Variants in ARHGAP24 observed in about 807,000 individuals in gnomAD.
ARHGAP24 encodes the protein rho GTPase-activating protein 24.
In ARHGAP24, 50 loss-of-function variants were observed where a neutral mutation model predicts 76.4. The ratio of observed to expected loss-of-function variants is 0.65; its 90% CI spans 0.52 to 0.83. ARHGAP24 has a LOEUF of 0.83. Among genes scored for constraint, ARHGAP24 ranks in the 40% least tolerant of loss-of-function variants. ARHGAP24 has a pLI of 0.00. For missense variants in ARHGAP24, 930 were observed against 914.2 expected, an observed-to-expected ratio of 1.02 and a Z score of -0.22; for synonymous variants, 345 against 323.3, an observed-to-expected ratio of 1.07 and a Z score of -0.72.
chr4:85,548,016 ATTC>A (rs1244187488), intron 1 of ARHGAP24, among the ~76,000 whole-genome samples: 1 of 152,086 alleles, frequency 6.6e-6, no homozygotes, highest in Non-Finnish European at 1.5e-5. Flanking sequence ...GGATTCATGT[ATTC>A]TTGTTTTATT....
chr4:85,933,156 G>A (rs968331006), intron 4 of ARHGAP24, among the ~76,000 whole-genome samples: 13 of 152,064 alleles, frequency 8.5e-5, no homozygotes, highest in Middle Eastern at 3.2e-3. Flanking sequence ...AAGCCTGTCC[G>A]AGAACATCAG....
chr4:85,678,361 C>G (rs1449331996), intron 2 of ARHGAP24, among the ~76,000 whole-genome samples: 1 of 152,154 alleles, frequency 6.6e-6, no homozygotes, highest in Admixed American at 6.6e-5. Context: ...CAAAGCAAGA[C>G]TCTGTCTCTA....
chr4:85,643,234 GTTTTTTTTTTTTTT>G lies in ARHGAP24; in HGVS notation c.180+72535_180+72548del, dbSNP rs70948741. Among the ~76,000 whole-genome samples, 113 of 54,636 alleles carry G rather than the reference GTTTTTTTTTTTTTT, an allele frequency of 2.1e-3. 13 individuals are homozygous for G. Among genetic ancestry groups the G allele is most frequent in the African/African-American group, 6.4e-3 (109 of 16,950 alleles). 35.8% of individuals were successfully genotyped at this position (54,636 alleles called of 152,430 possible). A position where few individuals can be genotyped will look rare whatever the true frequency, so the allele number is the denominator to read the frequency against. On this transcript the variant is annotated intron_variant, in intron 2 of 9. Transcript: ENST00000395184. ...TCTTTTTTATTTTCCGTTTTTTTGTGTTTTTTTTTTTTTTTTTTTTTTTTTTTTTTTTTTTGAGA... is the reference window on the plus strand; with the variant it reads ...TCTTTTTTATTTTCCGTTTTTTTGTGTTTTTTTTTTTTTTTTTTTTTGAGA...
At chr4:85,622,066 T>C (rs1720737172) in intron 2 of ARHGAP24, among the ~76,000 whole-genome samples, 1 of 151,976 alleles carries the variant, frequency 6.6e-6, no homozygotes, top group African/African-American at 2.4e-5. Context: ...CTTAAGATAT[T>C]TTCAAATTTC....
intron 9 of ARHGAP24, among the ~76,000 whole-genome samples, chr4:85,999,508 C>T (rs1240952904): frequency 1.3e-5 from 2 of 152,024 alleles, no homozygotes; most frequent in Non-Finnish European, 2.9e-5. Flanking sequence ...TTAAAATAAT[C>T]AGATATCTGA....
At chr4:85,683,107 T>TGGGGGGGGGGGG (rs1310671945) in intron 2 of ARHGAP24, among the ~76,000 whole-genome samples, 10 of 12,828 alleles carry the variant, frequency 7.8e-4, no homozygotes, top group Admixed American at 1.9e-3. Flanking sequence ...TCTCTCAGTG[T>TGGGGGGGGGGGG]GTGGGGGGGT....
At chr4:85,815,231 AT>A (rs57089864) in intron 3 of ARHGAP24, among the ~76,000 whole-genome samples, 15,756 of 151,970 alleles carry the variant, frequency 0.1, 959 homozygotes, top group South Asian at 0.19. Flanking sequence ...CATTTTCCCC[AT>A]TTTTTTTGGA....
intron 7 of ARHGAP24, among the ~76,000 whole-genome samples, chr4:85,977,091 A>AT (rs372723800): frequency 2.0e-5 from 3 of 152,070 alleles, no homozygotes; most frequent in African/African-American, 7.2e-5. Flanking sequence ...TCCGGCCTGT[A>AT]TTTTATCTAT....
intron 1 of ARHGAP24, among the ~76,000 whole-genome samples, chr4:85,534,106 C>T (rs1357230279): frequency 6.6e-6 from 1 of 152,100 alleles, no homozygotes; most frequent in Non-Finnish European, 1.5e-5. Context: ...AAGCAGCTAA[C>T]ACTAGAAGGG....
chr4:85,680,282 T>C (rs1723158999), intron 2 of ARHGAP24, among the ~76,000 whole-genome samples: 1 of 152,152 alleles, frequency 6.6e-6, no homozygotes, highest in Non-Finnish European at 1.5e-5. Flanking sequence ...AAAACAAAAA[T>C]AAATTTAATT....
intron 2 of ARHGAP24, among the ~76,000 whole-genome samples, chr4:85,595,403 G>T (rs975669572): frequency 5.9e-5 from 9 of 152,046 alleles, no homozygotes; most frequent in Non-Finnish European, 1.3e-4. Flanking sequence ...ATAGTTATCT[G>T]GTAGGCATGA....
At chr4:85,660,129 T>C (rs7657712) in intron 2 of ARHGAP24, among the ~76,000 whole-genome samples, 3,739 of 152,250 alleles carry the variant, frequency 0.025, 143 homozygotes, top group African/African-American at 0.084. Context: ...GTGCCTTCAA[T>C]TGAATTTCTT....
intron 3 of ARHGAP24, among the ~76,000 whole-genome samples, chr4:85,772,937 C>G (rs895274820): frequency 1.3e-5 from 2 of 152,170 alleles, no homozygotes; most frequent in African/African-American, 2.4e-5. Flanking sequence ...AGTATATGCG[C>G]CTCATAGACA....
intron 1 of ARHGAP24, among the ~76,000 whole-genome samples, chr4:85,548,651 C>T (rs1339248415): frequency 6.6e-6 from 1 of 152,166 alleles, no homozygotes; most frequent in Non-Finnish European, 1.5e-5. Context: ...TAGAATTCAA[C>T]TTTTTAACAG....
intron 2 of ARHGAP24, among the ~76,000 whole-genome samples, chr4:85,584,142 C>A (rs1338222412): frequency 2.0e-5 from 3 of 151,544 alleles, no homozygotes; most frequent in Non-Finnish European, 4.4e-5. Context: ...CACATGCACA[C>A]GTATGTTTAT....
intron 2 of ARHGAP24, among the ~76,000 whole-genome samples, chr4:85,715,056 C>G (rs1182939018): frequency 6.6e-6 from 1 of 152,010 alleles, no homozygotes. Context: ...AGAGAAATAC[C>G]TATGTTACAG....
intron 8 of ARHGAP24, among the ~76,000 whole-genome samples, chr4:85,992,687 T>C (rs967378810): frequency 5.3e-5 from 8 of 152,322 alleles, no homozygotes; most frequent in African/African-American, 1.9e-4. Flanking sequence ...TTGACAGTTA[T>C]TCTAACTGCT....
At chr4:85,961,729 G>C (rs1414385940) in intron 5 of ARHGAP24, among the ~76,000 whole-genome samples, 2 of 151,914 alleles carry the variant, frequency 1.3e-5, no homozygotes, top group African/African-American at 4.8e-5. Context: ...AAATATTAAA[G>C]TATATATAAT....
chr4:85,662,922 T>C (rs1251628140), intron 2 of ARHGAP24, among the ~76,000 whole-genome samples: 4,135 of 151,582 alleles, frequency 0.027, 171 homozygotes, highest in African/African-American at 0.095. Flanking sequence ...TTACTGTAGC[T>C]TTGTAGTATA....
Sources: gnomAD v4.1 joint callset for allele counts (sites outside exome capture counted in the v4.1 genomes callset) on GRCh38, gnomAD v4.1.1 for gene constraint, MANE v1.5 for transcripts, NCBI Gene and HGNC (gene_info 2026-07-23, HGNC 2026-07-21) for gene names.